Variants in VPS53 observed in about 807,000 individuals in gnomAD.
VPS53 encodes VPS53 subunit of GARP complex, also known as vacuolar protein sorting-associated protein 53 homolog.
VPS53 carries 70 observed loss-of-function variants against 107.0 expected under a neutral mutation model. That is an observed-to-expected ratio of 0.65 (90% CI 0.54 to 0.80). VPS53 has a LOEUF of 0.80. Ranked by LOEUF, VPS53 falls within the 30% of genes least tolerant of loss-of-function variation. The pLI, the probability that VPS53 is intolerant of heterozygous loss-of-function variation, is 0.00. For missense variants in VPS53, 917 were observed against 1,049.4 expected, an observed-to-expected ratio of 0.87 and a Z score of 1.74; for synonymous variants, 409 against 393.3, an observed-to-expected ratio of 1.04 and a Z score of -0.47.
chr17:515,193 TCA>T lies in VPS53; in HGVS notation c.*3933_*3934del, dbSNP rs1908212013. 6.6e-6 allele frequency: 1 copy of T among 152,196 alleles called. No homozygotes were observed. Among genetic ancestry groups the T allele is most frequent in the African/African-American group, 2.4e-5 (1 of 41,442 alleles). The allele number at this position is 152,196 out of a possible 1,614,324, so 9.4% of individuals were successfully genotyped here. A position where few individuals can be genotyped will look rare whatever the true frequency, so the allele number is the denominator to read the frequency against. ...GGCACAATATCTAGGTCTAGCTGAA[TCA>T]CAGAGCTGTTAGCTGCTGCTTTCAT... On this transcript the variant is annotated 3_prime_UTR_variant, in exon 22 of 22. Transcript: ENST00000437048.
intron 17 of VPS53, among the ~76,000 whole-genome samples, chr17:539,515 A>G (rs568270487): frequency 1.3e-5 from 2 of 152,356 alleles, no homozygotes; most frequent in Non-Finnish European, 2.9e-5. Context: ...GATTTAAAGT[A>G]CTAGAAAACA....
intron 11 of VPS53, among the ~76,000 whole-genome samples, chr17:613,925 C>T (rs559217002): frequency 1.3e-5 from 2 of 152,370 alleles, no homozygotes; most frequent in South Asian, 2.1e-4. Flanking sequence ...ACCCACACAA[C>T]GGTGCACTAT....
chr17:653,103 T>C (rs1298148604), intron 7 of VPS53, 188 bp downstream of exon 7: 1 of 984,922 alleles, frequency 1.0e-6, no homozygotes, highest in African/African-American at 1.8e-5. Flanking sequence ...CCAGTGACAG[T>C]TTACCTTTCG....
intron 17 of VPS53, among the ~76,000 whole-genome samples, chr17:545,116 C>T (rs192552040): frequency 9.9e-5 from 15 of 152,200 alleles, no homozygotes; most frequent in Non-Finnish European, 1.9e-4. Flanking sequence ...GGGAAGGAAA[C>T]GTGGTCTAGA....
chr17:670,405 A>G (rs1026619942), intron 4 of VPS53, among the ~76,000 whole-genome samples: 2 of 152,216 alleles, frequency 1.3e-5, no homozygotes, highest in Admixed American at 6.5e-5. Flanking sequence ...GTGCATCCTA[A>G]TGGTAACCAC....
intron 4 of VPS53, among the ~76,000 whole-genome samples, chr17:682,850 A>ATTT (rs1555581488): frequency 6.6e-6 from 1 of 152,026 alleles, no homozygotes; most frequent in African/African-American, 2.4e-5. Context: ...TGGTATAAAT[A>ATTT]TTAGATAGGC....
At chr17:569,801 A>G (rs1913868473) in intron 13 of VPS53, among the ~76,000 whole-genome samples, 2 of 151,698 alleles carry the variant, frequency 1.3e-5, no homozygotes, top group Admixed American at 6.6e-5. Flanking sequence ...AGCATCTATA[A>G]TCCCAGCTAC....
intron 7 of VPS53, among the ~76,000 whole-genome samples, chr17:636,347 T>C (rs1230207351): frequency 3.3e-5 from 5 of 152,234 alleles, no homozygotes; most frequent in Non-Finnish European, 5.9e-5. Context: ...AAATATACAA[T>C]CATGTCATCT....
intron 10 of VPS53, among the ~76,000 whole-genome samples, chr17:625,562 G>C (rs1969668608): frequency 6.6e-6 from 1 of 151,866 alleles, no homozygotes; most frequent in Admixed American, 6.6e-5. Flanking sequence ...TCTGGGTAAT[G>C]ATGATGTGTC....
intron 12 of VPS53, among the ~76,000 whole-genome samples, chr17:600,284 A>T (rs1968267927): frequency 6.6e-6 from 1 of 152,212 alleles, no homozygotes; most frequent in Non-Finnish European, 1.5e-5. Flanking sequence ...GGACATGACC[A>T]TGGCAGCTAC....
intron 12 of VPS53, among the ~76,000 whole-genome samples, chr17:595,607 G>A (rs1467548382): frequency 2.8e-5 from 1 of 36,248 alleles, no homozygotes; most frequent in South Asian, 1.9e-3. Context: ...GCACTCTAGT[G>A]TCCCCCCTGG....
intron 13 of VPS53, among the ~76,000 whole-genome samples, chr17:571,801 T>C (rs1914128691): frequency 6.6e-6 from 1 of 152,238 alleles, no homozygotes; most frequent in African/African-American, 2.4e-5. Context: ...AGCCTCGGCC[T>C]CCCGAGGTGC....
At chr17:636,938 A>G (rs2143252328) in intron 7 of VPS53, among the ~76,000 whole-genome samples, 1 of 152,308 alleles carries the variant, frequency 6.6e-6, no homozygotes, top group African/African-American at 2.4e-5. Context: ...TCATAAAATG[A>G]GTTAGGGAGG....
At chr17:598,705 T>G (rs1236594418) in intron 12 of VPS53, among the ~76,000 whole-genome samples, 11 of 108,804 alleles carry the variant, frequency 1.0e-4, no homozygotes, top group Admixed American at 3.9e-4. Context: ...GTCTGAGAAG[T>G]GAGGAGACCC....
intron 4 of VPS53, among the ~76,000 whole-genome samples, chr17:693,468 T>A (rs960241755): frequency 6.6e-6 from 1 of 152,148 alleles, no homozygotes; most frequent in Non-Finnish European, 1.5e-5. Context: ...ATGCCTATAA[T>A]CTCAGCATTT....
intron 11 of VPS53, among the ~76,000 whole-genome samples, chr17:615,175 C>G (rs977314552): frequency 1.3e-5 from 2 of 152,282 alleles, no homozygotes; most frequent in East Asian, 3.9e-4. Flanking sequence ...CCTAAAGGGT[C>G]AGAAGTTGAG....
At chr17:674,783 AAGTATGC>A (rs1972090506) in intron 4 of VPS53, 1 of 152,254 alleles carries the variant, frequency 6.6e-6, no homozygotes, top group Non-Finnish European at 1.5e-5. Flanking sequence ...TAGTATGGAC[AAGTATGC>A]AGCATACTGC....
chr17:657,654 G>A (rs1467147198), intron 5 of VPS53: 1 of 587,852 alleles, frequency 1.7e-6, no homozygotes, highest in African/African-American at 1.9e-5. Flanking sequence ...GGAAGGAAGG[G>A]AGTGCCCTGG....
In VPS53 at chr17:697,215, G is replaced by A. The variant is rs544711259; in HGVS notation, c.285+203C>T. 2.8e-4 allele frequency among the ~76,000 whole-genome samples: 43 copies of A among 152,294 alleles called. 1 individual carries two copies. Among genetic ancestry groups the A allele is most frequent in the East Asian group, 1.9e-3 (10 of 5,180 alleles). On this transcript the variant is annotated intron_variant, in intron 4 of 21. Transcript: ENST00000437048. ...TGTTCTCATCTGGCCTCGGGTGAGC[G>A]GTGCCACAGTTCACGGTCCTGGTCC...
Sources: gnomAD v4.1 joint callset for allele counts (sites outside exome capture counted in the v4.1 genomes callset) on GRCh38, gnomAD v4.1.1 for gene constraint, MANE v1.5 for transcripts, NCBI Gene and HGNC (gene_info 2026-07-23, HGNC 2026-07-21) for gene names.